Variants in NLGN4X observed in about 807,000 individuals in gnomAD.
NLGN4X encodes the protein neuroligin 4 X-linked.
In NLGN4X, 3 loss-of-function variants were observed where a neutral mutation model predicts 40.3. That is an observed-to-expected ratio of 0.07 (90% CI 0.03 to 0.19). The LOEUF is 0.19. Ranked by LOEUF, NLGN4X falls within the 10% of genes least tolerant of loss-of-function variation. The probability of loss-of-function intolerance (pLI) is 1.00; values close to 1 mark genes in which losing one functional copy is unlikely to be tolerated. For missense variants in NLGN4X, 382 were observed against 708.3 expected (o/e 0.54, Z 5.23); for synonymous variants, 270 against 306.8 (o/e 0.88, Z 1.25).
intron 2 of NLGN4X, among the ~76,000 whole-genome samples, chrX:6,076,049 G>A (rs765581576): frequency 9.0e-6 from 1 of 111,424 alleles, no homozygotes; most frequent in Non-Finnish European, 1.9e-5. Context: ...CACTTTATTT[G>A]TCCACTCTAA....
rs766020561 is a variant in NLGN4X at position 6,210,025 on chromosome X, C to CT, written c.-306+18515dup. On this transcript the variant is annotated intron_variant, in intron 1 of 5. Coordinates refer to ENST00000381095, the MANE Select transcript of NLGN4X (RefSeq NM_181332.3). Reference sequence around the variant, plus strand: ...GCCATCACATCTGGCTATTTTTTTTCTTTTTTTCTGTAGAAACGCGGTCTC... The same window carrying CT: ...GCCATCACATCTGGCTATTTTTTTTCTTTTTTTTCTGTAGAAACGCGGTCTC... 1.2e-3 allele frequency among the ~76,000 whole-genome samples: 135 copies of CT among 110,866 alleles called. 2 individuals carry two copies. The highest frequency in any genetic ancestry group is 4.2e-3 in the African/African-American group (127 of 30,544).
At chrX:6,120,556 T>TA (rs981883695) in intron 2 of NLGN4X, among the ~76,000 whole-genome samples, 2 of 111,955 alleles carry the variant, frequency 1.8e-5, no homozygotes, top group Non-Finnish European at 3.8e-5. Context: ...AGGTAGGTGT[T>TA]ATTCTTAGTC....
At position 5,908,454 on chromosome X, in the gene NLGN4X, A is replaced by G. The variant is rs763585988; in HGVS notation, c.811+600T>C. ...CTTATCGACATACTGTCTCTCTTCC[A>G]TACTACTTTTACTAAGTTGTAGCTA... On this transcript the variant is annotated intron_variant, in intron 4 of 5. Coordinates refer to ENST00000381095, the MANE Select transcript of NLGN4X (RefSeq NM_181332.3). Among the ~76,000 whole-genome samples the G allele has an allele frequency of 6.3e-5, 7 of 111,785 alleles. No homozygotes were observed. The East Asian group carries it at 2.0e-3, about 32-fold the overall frequency.
chrX:6,005,934 C>T lies in NLGN4X; in HGVS notation c.625+23346G>A, dbSNP rs183092628. Among the ~76,000 whole-genome samples, 14 of 111,576 alleles carry T rather than the reference C, an allele frequency of 1.3e-4. No homozygotes were observed. The East Asian group carries it at 4.0e-3, about 32-fold the overall frequency. ...AGTATCATCCAGGAGTCCTCACCTC[C>T]CTTTCCTCTAGGAAGTAGAGTATAT... On this transcript the variant is annotated intron_variant, in intron 3 of 5. Coordinates refer to ENST00000381095, the MANE Select transcript of NLGN4X (RefSeq NM_181332.3).
At chrX:6,052,455 A>T (rs2037516643) in intron 2 of NLGN4X, among the ~76,000 whole-genome samples, 1 of 112,057 alleles carries the variant, frequency 8.9e-6, no homozygotes, top group Admixed American at 9.5e-5. Flanking sequence ...ATTCCCTGAA[A>T]TTTCAGGTAA....
At chrX:6,093,301 A>G (rs1490081849) in intron 2 of NLGN4X, among the ~76,000 whole-genome samples, 2 of 112,271 alleles carry the variant, frequency 1.8e-5, no homozygotes, top group Non-Finnish European at 3.8e-5. Flanking sequence ...GAAAGAGTTT[A>G]TAACAAATAT....
intron 2 of NLGN4X, among the ~76,000 whole-genome samples, chrX:6,063,157 C>T (rs1418131916): frequency 1.8e-5 from 2 of 111,746 alleles, no homozygotes; most frequent in African/African-American, 6.5e-5. Flanking sequence ...GTTTTCTTCA[C>T]AGCACTCATC....
chrX:6,049,868 G>C lies in NLGN4X; in HGVS notation c.473-20436C>G, dbSNP rs918579367. Among the ~76,000 whole-genome samples the C allele has an allele frequency of 2.7e-5, 3 of 111,397 alleles. No homozygotes were observed. The Admixed American group carries it at 2.9e-4, about 11-fold the overall frequency. ...TATCATCATTGTGATTACTTCCAGT[G>C]CTGTAATGAGGAGTGACTGTGCTCT... On this transcript the variant is annotated intron_variant, in intron 2 of 5. Transcript: ENST00000381095.
intron 2 of NLGN4X, among the ~76,000 whole-genome samples, chrX:6,087,262 C>T (rs2038520272): frequency 9.0e-6 from 1 of 111,265 alleles, no homozygotes; most frequent in Non-Finnish European, 1.9e-5. Flanking sequence ...TATTTTTTGA[C>T]TTTTTTTAAT....
At chrX:6,071,163 C>T (rs984979094) in intron 2 of NLGN4X, among the ~76,000 whole-genome samples, 50 of 111,518 alleles carry the variant, frequency 4.5e-4, no homozygotes, top group African/African-American at 1.6e-3. Flanking sequence ...GAGAAGCTCT[C>T]TTTGTCAGAT....
intron 2 of NLGN4X, among the ~76,000 whole-genome samples, chrX:6,077,509 G>C (rs888510415): frequency 9.1e-6 from 1 of 109,903 alleles, no homozygotes; most frequent in Non-Finnish European, 1.9e-5. Flanking sequence ...GGCTGGTCTC[G>C]AACTCCTGGG....
At chrX:5,993,859 G>A (rs1276872272) in intron 3 of NLGN4X, among the ~76,000 whole-genome samples, 1 of 111,912 alleles carries the variant, frequency 8.9e-6, no homozygotes, top group Non-Finnish European at 1.9e-5. Flanking sequence ...GTGATGGAGG[G>A]AGGAAAGAGA....
chrX:6,119,368 G>A (rs2039371273), intron 2 of NLGN4X, among the ~76,000 whole-genome samples: 1 of 112,225 alleles, frequency 8.9e-6, no homozygotes, highest in South Asian at 3.7e-4. Flanking sequence ...AATTTCTGAA[G>A]TGCTCAATAA....
intron 2 of NLGN4X, among the ~76,000 whole-genome samples, chrX:6,043,163 A>ACC (rs1479808546): frequency 9.3e-6 from 1 of 107,356 alleles, no homozygotes; most frequent in African/African-American, 3.4e-5. Context: ...ACACACAAAC[A>ACC]CACGTATATA....
At chrX:6,016,816 T>C (rs748876315) in intron 3 of NLGN4X, among the ~76,000 whole-genome samples, 2 of 111,218 alleles carry the variant, frequency 1.8e-5, no homozygotes, top group Non-Finnish European at 3.8e-5. Flanking sequence ...AGATGCATGC[T>C]ACAACATGGA....
Position 6,192,688 on chromosome X carries a change from A to G in NLGN4X, c.-306+35853T>C, listed in dbSNP as rs187148122. Among the ~76,000 whole-genome samples the G allele has an allele frequency of 1.8e-3, 205 of 111,369 alleles. 1 individual carries two copies. Among genetic ancestry groups the G allele is most frequent in the African/African-American group, 6.3e-3 (194 of 30,605 alleles). ...TGCGTAACAGCAGCACATGTTTCCC[A>G]TAAGTGTGGCCAATGATCTGGGGCT... is the stretch of plus-strand genomic sequence containing the variant. On this transcript the variant is annotated intron_variant, in intron 1 of 5. Transcript: ENST00000381095.
chrX:5,917,262 G>A (rs1322569179), intron 3 of NLGN4X, among the ~76,000 whole-genome samples: 4 of 112,369 alleles, frequency 3.6e-5, no homozygotes, highest in Non-Finnish European at 5.6e-5. Context: ...TGACCTGAAG[G>A]TCAGTCTCTG....
intron 3 of NLGN4X, among the ~76,000 whole-genome samples, chrX:5,958,699 T>G (rs960530260): frequency 2.7e-5 from 3 of 112,146 alleles, no homozygotes; most frequent in African/African-American, 9.7e-5. Context: ...CTGCACATCA[T>G]TCTCTTCTTC....
At chrX:5,895,461 C>T (rs2031436377) in intron 5 of NLGN4X, among the ~76,000 whole-genome samples, 2 of 111,276 alleles carry the variant, frequency 1.8e-5, no homozygotes, top group Non-Finnish European at 3.8e-5. Flanking sequence ...AGAGTACATA[C>T]TGAATTTCTA....
Sources: allele counts gnomAD v4.1 joint callset (sites outside exome capture counted in the v4.1 genomes callset), GRCh38; gene constraint gnomAD v4.1.1; transcripts MANE v1.5; gene names NCBI Gene and HGNC (gene_info 2026-07-23, HGNC 2026-07-21).